Variants in ADGRA1 observed in about 807,000 individuals in gnomAD.
The protein encoded by ADGRA1 is adhesion G protein-coupled receptor A1.
In ADGRA1, 12 loss-of-function variants were observed where a neutral mutation model predicts 21.3. That is an observed-to-expected ratio of 0.56 (90% CI 0.36 to 0.91). The LOEUF (loss-of-function observed/expected upper bound fraction) is 0.91. ADGRA1 is among the 40% of genes least tolerant of loss of function. The pLI is 0.01. For missense variants in ADGRA1, 790 were observed against 805.6 expected, an observed-to-expected ratio of 0.98 and a Z score of 0.23; for synonymous variants, 385 against 368.8, an observed-to-expected ratio of 1.04 and a Z score of -0.50.
chr10:133,092,980 C>T (rs773377156), intron 2 of ADGRA1: 10 of 1,590,052 alleles, frequency 6.3e-6, no homozygotes, highest in South Asian at 2.3e-5. Context: ...GACCTGGCCC[C>T]GGACACCTCA....
rs1295225638 is a variant in ADGRA1, at chr10:133,129,743, G to A, written c.*232G>A. The A allele has an allele frequency of 7.3e-6, 3 of 412,354 alleles. No homozygotes were observed. The highest frequency in any genetic ancestry group is 4.0e-5 in the Admixed American group (1 of 24,868). 25.5% of individuals were successfully genotyped at this position (412,354 alleles called of 1,614,324 possible). A position where few individuals can be genotyped will look rare whatever the true frequency, so the allele number is the denominator to read the frequency against. On this transcript the variant is annotated 3_prime_UTR_variant, in exon 7 of 7. Transcript: ENST00000392607. ...TTGTGAAAGACCTCAGCGGGGAAACGCTCCGGGCCACGCCCACTCCCCTTA... is the reference window on the plus strand; with the variant it reads ...TTGTGAAAGACCTCAGCGGGGAAACACTCCGGGCCACGCCCACTCCCCTTA...
At chr10:133,110,868 CAG>C (rs1474739409) in intron 5 of ADGRA1, among the ~76,000 whole-genome samples, 1 of 152,146 alleles carries the variant, frequency 6.6e-6, no homozygotes, top group Non-Finnish European at 1.5e-5. Flanking sequence ...CCCTTTGCCG[CAG>C]AGTGATGTCT....
chr10:133,129,207 T>G lies in ADGRA1; in HGVS notation c.1379T>G (p.Leu460Arg). The G allele has an allele frequency of 6.5e-7, 1 of 1,550,124 alleles. No individual in the cohort carries two copies. The highest frequency in any genetic ancestry group is 8.7e-7 in the Non-Finnish European group (1 of 1,146,948). Residue 460 changes from leucine to arginine, a missense_variant, in exon 7 of 7, where the codon CTG (leucine) becomes CGG (arginine). Coordinates refer to ENST00000392607, the MANE Select transcript of ADGRA1 (RefSeq NM_001083909.3). The part of the protein sequence containing the change: ...SSRTDSPPSS[L>R]DGPAGTHTLA... ...CGCACAGACAGCCCCCCCAGCTCTC[T>G]GGATGGCCCGGCGGGGACACACACG... is the stretch of plus-strand genomic sequence containing the variant.
chr10:133,102,160 G>A (rs1009990618), intron 4 of ADGRA1: 18 of 449,860 alleles, frequency 4.0e-5, no homozygotes, highest in Middle Eastern at 4.4e-4. Context: ...CACGAATGCC[G>A]GCCCCGTGGG....
At chr10:133,101,225 C>A (rs1851787751) in intron 4 of ADGRA1, among the ~76,000 whole-genome samples, 1 of 152,092 alleles carries the variant, frequency 6.6e-6, no homozygotes, top group Non-Finnish European at 1.5e-5. Context: ...CTTGTCACAC[C>A]CACCTTCCTG....
In ADGRA1 at chr10:133,129,534, TC is replaced by T; in HGVS notation, c.*25del. ...TAGATGGGGGCAGAGGACACGGTGT[TC>T]CTGGAGGAGCTTCAGAGCAGAGTGG... On this transcript the variant is annotated 3_prime_UTR_variant, in exon 7 of 7. Coordinates refer to ENST00000392607, the MANE Select transcript of ADGRA1 (RefSeq NM_001083909.3). 6.4e-7 allele frequency: 1 copy of T among 1,552,450 alleles called. No individual in the cohort carries two copies. The highest frequency in any genetic ancestry group is 8.7e-7 in the Non-Finnish European group (1 of 1,153,090).
chr10:133,106,432 C>T (rs1323876603), intron 5 of ADGRA1, among the ~76,000 whole-genome samples: 1 of 152,230 alleles, frequency 6.6e-6, no homozygotes, highest in Non-Finnish European at 1.5e-5. Flanking sequence ...TGCCTGGGAC[C>T]CTGCCCAGCA....
chr10:133,095,644 T>TC (rs1851674587), intron 2 of ADGRA1: 2 of 1,590,652 alleles, frequency 1.3e-6, no homozygotes, highest in Admixed American at 1.7e-5. Context: ...GTCCCTTGGC[T>TC]CCCCAGAGCA....
In ADGRA1 at chr10:133,112,368, G is replaced by GATAA. The variant is rs1564850001; in HGVS notation, c.401+9526_401+9527insATAA. ...CTGCGTCAGTTATTTGGGGTCTGCG[G>GATAA]GCCGTGTCGGTTATTTGGGGTCTAC... On this transcript the variant is annotated intron_variant, in intron 5 of 6. Coordinates refer to ENST00000392607, the MANE Select transcript of ADGRA1 (RefSeq NM_001083909.3). 1.2e-3 allele frequency among the ~76,000 whole-genome samples: 184 copies of GATAA among 151,032 alleles called. 1 individual carries two copies. The highest frequency in any genetic ancestry group is 2.1e-3 in the African/African-American group (87 of 41,058).
chr10:133,126,271 A>G (rs1224327875), intron 5 of ADGRA1, among the ~76,000 whole-genome samples: 2 of 152,254 alleles, frequency 1.3e-5, no homozygotes, highest in Non-Finnish European at 2.9e-5. Flanking sequence ...ATCAGAAAGT[A>G]TCTTTATTTC....
At chr10:133,105,842 G>T in intron 5 of ADGRA1, among the ~76,000 whole-genome samples, 1 of 152,366 alleles carries the variant, frequency 6.6e-6, no homozygotes, top group African/African-American at 2.4e-5. Context: ...AGCCTCTGCG[G>T]CCCGAACGTT....
chr10:133,108,527 C>T (rs879627839), intron 5 of ADGRA1, among the ~76,000 whole-genome samples: 3 of 152,056 alleles, frequency 2.0e-5, no homozygotes, highest in Non-Finnish European at 4.4e-5. Flanking sequence ...ACAGAGGCAC[C>T]GGCTCAGCCA....
In ADGRA1 at chr10:133,128,894, G is replaced by A. The variant is rs759835450; in HGVS notation, c.1066G>A (p.Ala356Thr). 10 of 1,560,222 alleles carry A rather than the reference G, an allele frequency of 6.4e-6. No individual in the cohort carries two copies. The highest frequency in any genetic ancestry group is 3.7e-5 in the Admixed American group (2 of 53,730). Reference protein sequence around the residue: ...SPGLGQPRGFAHPPGPCKMTN... With the variant: ...SPGLGQPRGFTHPPGPCKMTN... ...GGGACTGGGCCAGCCACGGGGCTTCGCGCACCCACCGGGCCCCTGCAAGAT... is the reference window on the plus strand; with the variant it reads ...GGGACTGGGCCAGCCACGGGGCTTCACGCACCCACCGGGCCCCTGCAAGAT... The change falls in exon 7 of 7, where the codon GCG (alanine) becomes ACG (threonine). Residue 356 changes from alanine (A) to threonine (T), a missense_variant. Physicochemically the swap from Ala to Thr is moderately conservative, Grantham distance 58. Around this residue, in one of 3 missense-constraint regions of ADGRA1, gnomAD observed 391 missense variants for 351.5 expected, o/e 1.11. Coordinates refer to ENST00000392607, the MANE Select transcript of ADGRA1 (RefSeq NM_001083909.3).
In ADGRA1 at chr10:133,127,338, A is replaced by T. The variant is rs1852396150; in HGVS notation, c.500+7A>T. On this transcript the variant is annotated splice_region_variant and intron_variant, in intron 6 of 6. Coordinates refer to ENST00000392607, the MANE Select transcript of ADGRA1 (RefSeq NM_001083909.3). ...AGGACGAGGACACGGCGTAGTGAGTACCGGGCACCCAGAACCGGGAGCTGG... is the reference window on the plus strand; with the variant it reads ...AGGACGAGGACACGGCGTAGTGAGTTCCGGGCACCCAGAACCGGGAGCTGG... The T allele has an allele frequency of 1.3e-6, 2 of 1,583,350 alleles. No individual in the cohort carries two copies. The highest frequency in any genetic ancestry group is 2.3e-5 in the South Asian group (2 of 86,598).
chr10:133,128,581 A>T lies in ADGRA1; in HGVS notation c.753A>T (p.Ser251=). The T allele has an allele frequency of 6.3e-7, 1 of 1,585,836 alleles. No individual in the cohort carries two copies. The highest frequency in any genetic ancestry group is 8.6e-7 in the Non-Finnish European group (1 of 1,168,252). Residue 251 remains serine (S), a synonymous_variant, in exon 7 of 7, where the codon TCA becomes TCT. Transcript: ENST00000392607. ...CCTCCGTGCTGCAGAACGAGCACTCATTCCAGGCACAGCTGCGCGCCGCCG... is the reference window on the plus strand; with the variant it reads ...CCTCCGTGCTGCAGAACGAGCACTCTTTCCAGGCACAGCTGCGCGCCGCCG... ...PGASVLQNEH[S]FQAQLRAAAF...
chr10:133,122,860 C>A (rs546997610), intron 5 of ADGRA1, among the ~76,000 whole-genome samples: 1 of 149,360 alleles, frequency 6.7e-6, no homozygotes. Flanking sequence ...CAGGCACACG[C>A]GTCCCCAGGC....
intron 2 of ADGRA1, chr10:133,093,284 A>C: frequency 6.4e-7 from 1 of 1,559,170 alleles, no homozygotes; most frequent in East Asian, 2.3e-5. Context: ...GAAAATTCAC[A>C]CATAACTTGA....
intron 4 of ADGRA1, among the ~76,000 whole-genome samples, chr10:133,101,957 T>C (rs935088029): frequency 2.6e-5 from 4 of 152,262 alleles, no homozygotes; most frequent in African/African-American, 9.6e-5. Context: ...TAAATCATCA[T>C]AATGGTGCGA....
Position 133,102,753 on chromosome 10 carries a change from C to G in ADGRA1, c.312C>G (p.Thr104=). The change falls in exon 5 of 7, where the codon ACC becomes ACG. Residue 104 remains threonine (T), a synonymous_variant. Transcript: ENST00000392607. ...TLSTMLWIGV[T]ARNIYKQVTK... ...CCACCATGCTGTGGATAGGAGTGAC[C>G]GCCAGGAACATCTACAAGCAGGTGA... 6.2e-7 allele frequency: 1 copy of G among 1,612,730 alleles called. No individual in the cohort carries two copies. The highest frequency in any genetic ancestry group is 8.5e-7 in the Non-Finnish European group (1 of 1,179,818).
Sources: allele counts gnomAD v4.1 joint callset (sites outside exome capture counted in the v4.1 genomes callset), GRCh38; gene constraint gnomAD v4.1.1; regional missense constraint gnomAD v4.1.1; transcripts MANE v1.5; gene names NCBI Gene and HGNC (gene_info 2026-07-23, HGNC 2026-07-21).